Variants in CEP85L observed in about 807,000 individuals in gnomAD.
The protein encoded by CEP85L is centrosomal protein of 85 kDa-like.
Under a neutral mutation model 100.3 loss-of-function variants are expected in CEP85L, and 60 were observed. The observed-to-expected ratio is 0.60, with a 90% CI of 0.49 to 0.74. The LOEUF (loss-of-function observed/expected upper bound fraction) is 0.74. CEP85L is among the 30% of genes least tolerant of loss of function. The pLI, the probability that CEP85L is intolerant of heterozygous loss-of-function variation, is 0.00. For synonymous variants in CEP85L, 319 were observed against 322.7 expected (o/e 0.99, Z 0.12); for missense variants, 973 against 936.2 (o/e 1.04, Z -0.51).
chr6:118,635,684 C>G (rs1774448807), intron 1 of CEP85L, among the ~76,000 whole-genome samples: 2 of 152,150 alleles, frequency 1.3e-5, no homozygotes, highest in African/African-American at 4.8e-5. Flanking sequence ...GAATTAAAAC[C>G]CTTGCTTTTA....
intron 10 of CEP85L, among the ~76,000 whole-genome samples, chr6:118,475,206 G>A (rs1773264676): frequency 6.6e-6 from 1 of 152,036 alleles, no homozygotes; most frequent in Admixed American, 6.6e-5. Flanking sequence ...GGGGGCTTAG[G>A]GAAGTGACAA....
chr6:118,517,026 TC>T (rs1776322516), intron 4 of CEP85L, among the ~76,000 whole-genome samples: 3 of 118,852 alleles, frequency 2.5e-5, no homozygotes, highest in Admixed American at 1.5e-4. Flanking sequence ...TTGCTTGTTT[TC>T]ATCAGGTTTG....
At chr6:118,526,002 G>C (rs1424748812) in intron 3 of CEP85L, among the ~76,000 whole-genome samples, 3 of 152,156 alleles carry the variant, frequency 2.0e-5, no homozygotes, top group East Asian at 1.9e-4. Flanking sequence ...AGTAATATTA[G>C]GATGGGATGT....
intron 1 of CEP85L, among the ~76,000 whole-genome samples, chr6:118,665,381 A>G (rs1776103140): frequency 6.6e-6 from 1 of 151,680 alleles, no homozygotes; most frequent in African/African-American, 2.4e-5. Context: ...TTTATTTTAG[A>G]TAGGGTTTTG....
intron 5 of CEP85L, among the ~76,000 whole-genome samples, chr6:118,510,215 T>G (rs1429809087): frequency 6.6e-6 from 1 of 151,880 alleles, no homozygotes; most frequent in Non-Finnish European, 1.5e-5. Context: ...GATTCATTTA[T>G]AAAATACTCA....
At position 118,461,830 on chromosome 6, in the gene CEP85L, C is replaced by T. The variant is rs1302489148; in HGVS notation, c.*3575G>A. On this transcript the variant is annotated 3_prime_UTR_variant, in exon 13 of 13. Coordinates refer to ENST00000368491, the MANE Select transcript of CEP85L (RefSeq NM_001042475.3). ...TGAGTGAGCATGGTTATGAAAATTG[C>T]TTATTACCATAATTACATATCTACA... is the stretch of plus-strand genomic sequence containing the variant. The T allele has an allele frequency of 1.3e-5, 2 of 151,940 alleles. No individual in the cohort carries two copies. The highest frequency in any genetic ancestry group is 2.9e-5 in the Non-Finnish European group (2 of 67,886). The allele number at this position is 151,940 out of a possible 1,614,324, so 9.4% of individuals were successfully genotyped here.
intron 1 of CEP85L, among the ~76,000 whole-genome samples, chr6:118,678,576 T>C (rs865855453): frequency 1.4e-4 from 21 of 152,272 alleles, no homozygotes; most frequent in Middle Eastern, 3.2e-3. Flanking sequence ...TACTTTTCTG[T>C]ATTCTTCACT....
At position 118,516,182 on chromosome 6, in the gene CEP85L, T is replaced by C. The variant is rs145524605; in HGVS notation, c.1140-4767A>G. Among the ~76,000 whole-genome samples, 4 of 152,364 alleles carry C rather than the reference T, an allele frequency of 2.6e-5. No homozygotes were observed. In the East Asian group the frequency reaches 5.8e-4, roughly 22 times the overall value. ...GGGTATTTGGGTTGGTTCCAAATCTTTGCTATTGTGAATAGTGCTGCGATA... is the reference window on the plus strand; with the variant it reads ...GGGTATTTGGGTTGGTTCCAAATCTCTGCTATTGTGAATAGTGCTGCGATA... On this transcript the variant is annotated intron_variant, in intron 4 of 12. Transcript: ENST00000368491.
chr6:118,515,676 T>TAA lies in CEP85L; in HGVS notation c.1140-4263_1140-4262dup, dbSNP rs530461671. Reference sequence around the variant, plus strand: ...TCAAAGAAGAAATCAGAAGATAAACTAAGTATTTTGAGGTGAACAAAAATG... The same window carrying TAA: ...TCAAAGAAGAAATCAGAAGATAAACTAAAAGTATTTTGAGGTGAACAAAAATG... On this transcript the variant is annotated intron_variant, in intron 4 of 12. Coordinates refer to ENST00000368491, the MANE Select transcript of CEP85L (RefSeq NM_001042475.3). Among the ~76,000 whole-genome samples the TAA allele has an allele frequency of 1.1e-3, 162 of 152,330 alleles. 4 individuals carry two copies. The South Asian group carries it at 0.033, about 31-fold the overall frequency.
chr6:118,554,535 A>G (rs1365092578), intron 3 of CEP85L, among the ~76,000 whole-genome samples: 1 of 152,162 alleles, frequency 6.6e-6, no homozygotes, highest in Admixed American at 6.5e-5. Flanking sequence ...AAGCATACCA[A>G]TTATGCACTA....
chr6:118,677,337 G>T (rs531637255), intron 1 of CEP85L, among the ~76,000 whole-genome samples: 3 of 152,276 alleles, frequency 2.0e-5, no homozygotes, highest in Admixed American at 6.5e-5. Flanking sequence ...TGAGGGTGAC[G>T]TGAGAAGGGG....
chr6:118,692,091 A>G (rs1239760483), intron 1 of CEP85L, among the ~76,000 whole-genome samples: 1 of 152,118 alleles, frequency 6.6e-6, no homozygotes, highest in African/African-American at 2.4e-5. Context: ...GCTGAGGTGT[A>G]TGGAAGCTCC....
At chr6:118,612,531 G>A (rs1333317714) in intron 2 of CEP85L, among the ~76,000 whole-genome samples, 18 of 151,216 alleles carry the variant, frequency 1.2e-4, no homozygotes, top group East Asian at 5.9e-4. Flanking sequence ...GCATGGTGAC[G>A]GGTGCCTGTA....
intron 2 of CEP85L, among the ~76,000 whole-genome samples, chr6:118,628,823 T>C (rs149566215): frequency 6.6e-6 from 1 of 152,264 alleles, no homozygotes; most frequent in East Asian, 1.9e-4. Context: ...CTAGATGACA[T>C]TGGTTATAGC....
intron 2 of CEP85L, among the ~76,000 whole-genome samples, chr6:118,614,332 T>C (rs1772869512): frequency 6.6e-6 from 1 of 152,178 alleles, no homozygotes; most frequent in South Asian, 2.1e-4. Flanking sequence ...AAGGCAAGGA[T>C]ATCCACTTCT....
chr6:118,569,302 AC>A, intron 2 of CEP85L, among the ~76,000 whole-genome samples: 1 of 128,956 alleles, frequency 7.8e-6, no homozygotes, highest in East Asian at 2.5e-4. Flanking sequence ...AGATTGTGCC[AC>A]TGTACTCCAG....
intron 2 of CEP85L, among the ~76,000 whole-genome samples, chr6:118,578,088 A>C (rs888706535): frequency 6.6e-6 from 1 of 152,212 alleles, no homozygotes; most frequent in East Asian, 1.9e-4. Flanking sequence ...ACTGTTAAGG[A>C]CAGTAAGTTC....
rs554849958 is a variant in CEP85L, at chr6:118,522,663, A to G, written c.1139+1139T>C. ...GAGACCGAGGCAGGTGGATCACTTG[A>G]GGCCAGGAGTTCAAGACAATACTGG... On this transcript the variant is annotated intron_variant, in intron 4 of 12. Coordinates refer to ENST00000368491, the MANE Select transcript of CEP85L (RefSeq NM_001042475.3). Among the ~76,000 whole-genome samples the G allele has an allele frequency of 2.0e-5, 3 of 152,268 alleles. No individual in the cohort carries two copies. In the East Asian group the frequency reaches 5.8e-4, roughly 29 times the overall value.
intron 3 of CEP85L, among the ~76,000 whole-genome samples, chr6:118,561,006 T>C (rs567152615): frequency 4.1e-4 from 62 of 152,288 alleles, no homozygotes; most frequent in African/African-American, 1.4e-3. Context: ...ATATGTAACA[T>C]CAATATTGAC....
Sources: gnomAD v4.1 joint callset for allele counts (sites outside exome capture counted in the v4.1 genomes callset) on GRCh38, gnomAD v4.1.1 for gene constraint, MANE v1.5 for transcripts, NCBI Gene and HGNC (gene_info 2026-07-23, HGNC 2026-07-21) for gene names.